Variants in CTNND2 observed in about 807,000 individuals in gnomAD.
The protein encoded by CTNND2 is catenin delta 2.
In CTNND2, 22 loss-of-function variants were observed where a neutral mutation model predicts 144.4. The ratio of observed to expected loss-of-function variants is 0.15; its 90% confidence interval spans 0.11 to 0.22. CTNND2 has a LOEUF of 0.22. Among genes scored for constraint, CTNND2 ranks in the 10% least tolerant of loss-of-function variants. The pLI is 1.00. For missense variants in CTNND2, 1,353 were observed against 1,618.8 expected (o/e 0.84, Z 2.82); for synonymous variants, 751 against 695.6 (o/e 1.08, Z -1.25).
chr5:11,724,963 G>C (rs1317559345), intron 2 of CTNND2, among the ~76,000 whole-genome samples: 1 of 151,428 alleles, frequency 6.6e-6, no homozygotes, highest in Non-Finnish European at 1.5e-5. Context: ...ACAGTAATTA[G>C]GCAAGTGGCC....
chr5:10,979,046 G>A (rs545577887), intron 21 of CTNND2, among the ~76,000 whole-genome samples: 62 of 152,284 alleles, frequency 4.1e-4, no homozygotes, highest in African/African-American at 1.3e-3. Context: ...AGGAAGGCTG[G>A]TGCAGAGGGA....
chr5:11,569,932 C>T (rs1777426930), intron 2 of CTNND2, among the ~76,000 whole-genome samples: 1 of 152,122 alleles, frequency 6.6e-6, no homozygotes. Context: ...GTCTCCAGAA[C>T]TGTAAGAAAT....
chr5:11,476,608 GTAA>G (rs1256179423), intron 3 of CTNND2, among the ~76,000 whole-genome samples: 2 of 152,184 alleles, frequency 1.3e-5, no homozygotes, highest in Non-Finnish European at 2.9e-5. Flanking sequence ...TTCTCTTGCA[GTAA>G]TAATAATATC....
intron 1 of CTNND2, among the ~76,000 whole-genome samples, chr5:11,783,511 G>T (rs1790662577): frequency 6.6e-6 from 1 of 152,218 alleles, no homozygotes; most frequent in Middle Eastern, 3.4e-3. Flanking sequence ...CTAGGCCACA[G>T]CCGTAAGCCA....
chr5:11,799,186 G>A (rs545702512), intron 1 of CTNND2, among the ~76,000 whole-genome samples: 24 of 152,154 alleles, frequency 1.6e-4, no homozygotes, highest in South Asian at 2.1e-4. Context: ...TTTGTTCATC[G>A]TTTTAAAACC....
chr5:11,095,819 T>C (rs1034532736), intron 15 of CTNND2, among the ~76,000 whole-genome samples: 3 of 152,242 alleles, frequency 2.0e-5, no homozygotes, highest in Admixed American at 6.5e-5. Flanking sequence ...TTGAGCAATC[T>C]GATTAAAATA....
chr5:11,067,518 C>A (rs1747744758), intron 16 of CTNND2, among the ~76,000 whole-genome samples: 1 of 152,176 alleles, frequency 6.6e-6, no homozygotes, highest in Non-Finnish European at 1.5e-5. Flanking sequence ...TCTTAGGTCC[C>A]AGAGGTTAGC....
intron 3 of CTNND2, among the ~76,000 whole-genome samples, chr5:11,464,463 G>GGCA (rs1431700967): frequency 2.6e-5 from 4 of 152,146 alleles, no homozygotes; most frequent in African/African-American, 9.7e-5. Flanking sequence ...TGGGGTGCCA[G>GGCA]GCAGCAGGAC....
chr5:11,298,743 G>T (rs985196970), intron 9 of CTNND2, among the ~76,000 whole-genome samples: 1 of 152,200 alleles, frequency 6.6e-6, no homozygotes, highest in Non-Finnish European at 1.5e-5. Flanking sequence ...AATGTGGCGT[G>T]TAGCACGGGC....
intron 2 of CTNND2, among the ~76,000 whole-genome samples, chr5:11,586,959 C>A (rs1778910270): frequency 6.6e-6 from 1 of 151,900 alleles, no homozygotes; most frequent in Non-Finnish European, 1.5e-5. Context: ...AGTAAGTGTT[C>A]AAATTTAAAA....
intron 8 of CTNND2, among the ~76,000 whole-genome samples, chr5:11,348,047 T>C (rs898664655): frequency 3.3e-5 from 5 of 152,110 alleles, no homozygotes; most frequent in Admixed American, 6.5e-5. Flanking sequence ...TTCCGTGACA[T>C]GACAAAAATG....
At chr5:11,357,596 G>A (rs1051879779) in intron 8 of CTNND2, among the ~76,000 whole-genome samples, 2 of 152,062 alleles carry the variant, frequency 1.3e-5, no homozygotes, top group African/African-American at 4.8e-5. Flanking sequence ...GATAGGAAAA[G>A]TGAATTCTGG....
chr5:11,248,699 T>A (rs1165405414), intron 9 of CTNND2, among the ~76,000 whole-genome samples: 2 of 152,180 alleles, frequency 1.3e-5, no homozygotes, highest in Admixed American at 1.3e-4. Context: ...AGATGCATTC[T>A]AATAACAAGA....
At chr5:11,470,511 C>T (rs751932293) in intron 3 of CTNND2, among the ~76,000 whole-genome samples, 1 of 152,160 alleles carries the variant, frequency 6.6e-6, no homozygotes, top group Non-Finnish European at 1.5e-5. Flanking sequence ...TTATAAACAT[C>T]TTATATTAAT....
intron 2 of CTNND2, among the ~76,000 whole-genome samples, chr5:11,569,881 C>G (rs1777423894): frequency 6.6e-6 from 1 of 152,082 alleles, no homozygotes; most frequent in African/African-American, 2.4e-5. Flanking sequence ...GGGCCCTCAC[C>G]AGACACCAAA....
intron 2 of CTNND2, among the ~76,000 whole-genome samples, chr5:11,623,806 A>G (rs1474217515): frequency 0.051 from 1,487 of 29,374 alleles, 66 homozygotes; most frequent in African/African-American, 0.15. Flanking sequence ...ATATGTGTGT[A>G]TGTATATATA....
intron 2 of CTNND2, among the ~76,000 whole-genome samples, chr5:11,654,606 A>T (rs1393467392): frequency 6.6e-6 from 1 of 151,154 alleles, no homozygotes; most frequent in Non-Finnish European, 1.5e-5. Context: ...ACTTCACTGA[A>T]TGCATTAGTT....
intron 15 of CTNND2, among the ~76,000 whole-genome samples, chr5:11,091,646 T>A (rs11959847): frequency 3.9e-5 from 6 of 152,156 alleles, no homozygotes; most frequent in Admixed American, 2.0e-4. Context: ...GGGTCTAATT[T>A]AAGATTTGAT....
intron 11 of CTNND2, among the ~76,000 whole-genome samples, chr5:11,194,003 A>G (rs778625915): frequency 1.9e-4 from 29 of 152,152 alleles, no homozygotes; most frequent in Non-Finnish European, 3.5e-4. Flanking sequence ...TGAGTTCTGA[A>G]CTCATACAGG....
Sources: gnomAD v4.1 joint callset for allele counts (sites outside exome capture counted in the v4.1 genomes callset) on GRCh38, gnomAD v4.1.1 for gene constraint, MANE v1.5 for transcripts, NCBI Gene and HGNC (gene_info 2026-07-23, HGNC 2026-07-21) for gene names.